Variants in GDA observed in about 807,000 individuals in gnomAD.
GDA encodes the protein cytoplasmic PSD-95 interactor.
GDA carries 18 observed loss-of-function variants against 59.6 expected under a neutral mutation model. The ratio of observed to expected loss-of-function variants is 0.30; its 90% CI spans 0.21 to 0.45. The LOEUF (loss-of-function observed/expected upper bound fraction) is 0.45, where lower values mean the gene tolerates loss of function less well. Among genes scored for constraint, GDA ranks in the 20% least tolerant of loss-of-function variants. The pLI, the probability that GDA is intolerant of heterozygous loss-of-function variation, is 1.00. For synonymous variants in GDA, 201 were observed against 201.1 expected, an observed-to-expected ratio of 1.00 and a Z score of 0.00; for missense variants, 427 against 552.3, an observed-to-expected ratio of 0.77 and a Z score of 2.27.
At chr9:72,131,698 A>C (rs1489942666) in intron 1 of GDA, among the ~76,000 whole-genome samples, 3 of 151,984 alleles carry the variant, frequency 2.0e-5, no homozygotes, top group Non-Finnish European at 4.4e-5. Context: ...CCTCTCTACA[A>C]GACATCATGT....
chr9:72,165,188 C>T (rs1023505976), intron 1 of GDA, among the ~76,000 whole-genome samples: 3 of 152,154 alleles, frequency 2.0e-5, no homozygotes, highest in African/African-American at 7.2e-5. Flanking sequence ...TTTCCAAGGA[C>T]GTTTCAAAAG....
At chr9:72,214,267 A>C (rs191826682) in intron 5 of GDA, among the ~76,000 whole-genome samples, 1 of 151,362 alleles carries the variant, frequency 6.6e-6, no homozygotes, top group East Asian at 1.9e-4. Flanking sequence ...CTTTTTATTT[A>C]TTTTTTATTT....
rs1831803804 is a variant in GDA, at chr9:72,185,844, A to G, written c.124-9656A>G. Among the ~76,000 whole-genome samples the G allele has an allele frequency of 2.0e-5, 3 of 152,092 alleles. No homozygotes were observed. The South Asian group carries it at 6.2e-4, about 32-fold the overall frequency. On this transcript the variant is annotated intron_variant, in intron 1 of 13. Coordinates refer to ENST00000358399, the MANE Select transcript of GDA (RefSeq NM_004293.5). ...TGCTTTTGGCTTTAGTATTCCCGAC[A>G]TTCTCATTATTGCTCATCCTAAATA...
At chr9:72,195,348 T>A (rs1174862385) in intron 1 of GDA, 152 bp from the exon 2 acceptor site, 1 of 286,934 alleles carries the variant, frequency 3.5e-6, no homozygotes, top group Non-Finnish European at 6.4e-6. Context: ...TTTTTTTTTT[T>A]TTTTTTTGCC....
At position 72,214,000 on chromosome 9, in the gene GDA, C is replaced by G; in HGVS notation, c.578+9C>G. On this transcript the variant is annotated intron_variant, in intron 5 of 13. Transcript: ENST00000358399. ...ATCAAGGAAACTGAGAGGTAAAAGG[C>G]CCATTTGTCTTGATTTGTCTTACAG... is the stretch of plus-strand genomic sequence containing the variant. 7.1e-7 allele frequency: 1 copy of G among 1,416,768 alleles called. No individual in the cohort carries two copies. 87.8% of individuals were successfully genotyped at this position (1,416,768 alleles called of 1,614,324 possible). A position where few individuals can be genotyped will look rare whatever the true frequency, so the allele number is the denominator to read the frequency against.
chr9:72,232,171 G>A (rs935078311), intron 10 of GDA, among the ~76,000 whole-genome samples: 2 of 152,140 alleles, frequency 1.3e-5, no homozygotes, highest in Non-Finnish European at 2.9e-5. Context: ...ATGGGTATGG[G>A]GCAGGAGGAC....
chr9:72,180,087 G>A (rs1026050086), intron 1 of GDA, among the ~76,000 whole-genome samples: 2 of 152,088 alleles, frequency 1.3e-5, no homozygotes, highest in Non-Finnish European at 2.9e-5. Flanking sequence ...ATCCGGGCGC[G>A]GTGGCTCACA....
rs550039943 is a variant in GDA at position 72,244,920 on chromosome 9, G to A, written c.1136-228G>A. Among the ~76,000 whole-genome samples, 30 of 152,280 alleles carry A rather than the reference G, an allele frequency of 2.0e-4. No individual in the cohort carries two copies. The South Asian group carries it at 6.2e-3, about 32-fold the overall frequency. ...ACCAGAGTTATGATACAGTAATGAA[G>A]GGAATTGTTTTCATTCTCAGATTTT... On this transcript the variant is annotated intron_variant, in intron 11 of 13. Transcript: ENST00000358399.
chr9:72,196,717 T>G (rs1355919658), intron 2 of GDA, among the ~76,000 whole-genome samples: 1 of 152,020 alleles, frequency 6.6e-6, no homozygotes, highest in Admixed American at 6.6e-5. Flanking sequence ...GCATTAGATA[T>G]TTGTCCTAAT....
intron 10 of GDA, among the ~76,000 whole-genome samples, chr9:72,235,384 A>G (rs373792656): frequency 2.6e-5 from 4 of 152,212 alleles, no homozygotes; most frequent in Admixed American, 1.3e-4. Flanking sequence ...AAAAAATAAT[A>G]TATGCTCTGC....
chr9:72,166,437 T>C (rs969585111), intron 1 of GDA, among the ~76,000 whole-genome samples: 5 of 150,606 alleles, frequency 3.3e-5, no homozygotes, highest in African/African-American at 1.2e-4. Context: ...GGTGGGGGAA[T>C]GAAGAGAGGT....
chr9:72,152,269 A>G (rs1454662163), intron 1 of GDA, among the ~76,000 whole-genome samples: 2 of 152,194 alleles, frequency 1.3e-5, no homozygotes, highest in Non-Finnish European at 2.9e-5. Context: ...TCTCGCTTTT[A>G]AACTTTATTC....
chr9:72,248,456 C>A lies in GDA; in HGVS notation c.*114C>A, dbSNP rs969618642. ...GTACCTTGTTCTTGGGATGACTATCCCTTTCTGTGTCTAGTTACAGTATTC... is the reference window on the plus strand; with the variant it reads ...GTACCTTGTTCTTGGGATGACTATCACTTTCTGTGTCTAGTTACAGTATTC... On this transcript the variant is annotated 3_prime_UTR_variant, in exon 14 of 14. Transcript: ENST00000358399. 1 of 1,532,890 alleles carries A rather than the reference C, an allele frequency of 6.5e-7. No individual in the cohort carries two copies. The highest frequency in any genetic ancestry group is 2.3e-5 in the East Asian group (1 of 43,044). 95.0% of individuals were successfully genotyped at this position (1,532,890 alleles called of 1,614,324 possible). A position where few individuals can be genotyped will look rare whatever the true frequency, so the allele number is the denominator to read the frequency against.
intron 1 of GDA, among the ~76,000 whole-genome samples, chr9:72,150,339 ACG>A (rs201062068): frequency 1.3e-4 from 19 of 150,208 alleles, no homozygotes; most frequent in East Asian, 3.9e-4. Context: ...ACACACACGC[ACG>A]CACACACACA....
rs61754579 is a variant in GDA at position 72,223,199 on chromosome 9, T to C, written c.686T>C (p.Ile229Thr). ...SETLMGELGNIAKTRDLHIQS... is the reference protein window; with the variant it reads ...SETLMGELGNTAKTRDLHIQS... The stretch of plus-strand genomic sequence containing the variant: ...ACTTTGATGGGTGAACTGGGCAACA[T>C]TGCTAAAACCCGTGATTTGCACATT... Residue 229 changes from isoleucine (I) to threonine (T), a missense_variant, in exon 7 of 14, where the codon ATT becomes ACT. Transcript: ENST00000358399. 529 of 1,612,106 alleles carry C rather than the reference T, an allele frequency of 3.3e-4. No homozygotes were observed. Among genetic ancestry groups the C allele is most frequent in the Non-Finnish European group, 4.4e-4 (514 of 1,178,404 alleles).
intron 3 of GDA, among the ~76,000 whole-genome samples, chr9:72,207,044 T>C (rs1274411611): frequency 6.6e-6 from 1 of 152,182 alleles, no homozygotes; most frequent in Non-Finnish European, 1.5e-5. Context: ...GTGATTCTCA[T>C]TTCTTTCTAG....
chr9:72,157,190 C>G (rs1465903162), intron 1 of GDA, among the ~76,000 whole-genome samples: 1 of 151,998 alleles, frequency 6.6e-6, no homozygotes, highest in African/African-American at 2.4e-5. Context: ...CGGGCACTCA[C>G]CACCATGGCC....
chr9:72,137,551 A>G (rs1826283969), intron 1 of GDA, among the ~76,000 whole-genome samples: 1 of 151,788 alleles, frequency 6.6e-6, no homozygotes. Flanking sequence ...TGGCCCTAAG[A>G]TCCTTTTTAA....
rs141006402 is a variant in GDA, at chr9:72,180,686, C to T, written c.124-14814C>T. ...CTGAGATTTATGGTGAATTTCACTC[C>T]GAGCTTGGTGTTAATTTTACACACA... On this transcript the variant is annotated intron_variant, in intron 1 of 13. Coordinates refer to ENST00000358399, the MANE Select transcript of GDA (RefSeq NM_004293.5). 5.8e-4 allele frequency among the ~76,000 whole-genome samples: 88 copies of T among 152,198 alleles called. 1 individual carries two copies. Among genetic ancestry groups the T allele is most frequent in the Admixed American group, 1.8e-3 (27 of 15,288 alleles).
Sources: allele counts gnomAD v4.1 joint callset (sites outside exome capture counted in the v4.1 genomes callset), GRCh38; gene constraint gnomAD v4.1.1; transcripts MANE v1.5; gene names NCBI Gene and HGNC (gene_info 2026-07-23, HGNC 2026-07-21).